Variants in ERBB4 observed in about 807,000 individuals in gnomAD.
ERBB4 encodes receptor tyrosine-protein kinase erbB-4.
A neutral mutation model predicts 158.0 loss-of-function variants in ERBB4; 42 were observed. The ratio of observed to expected loss-of-function variants is 0.27; its 90% CI spans 0.21 to 0.34. The LOEUF is 0.34. Among genes scored for constraint, ERBB4 ranks in the 10% least tolerant of loss-of-function variants. The pLI, the probability that ERBB4 is intolerant of heterozygous loss-of-function variation, is 1.00. For missense variants in ERBB4, 1,333 were observed against 1,624.1 expected, an observed-to-expected ratio of 0.82 and a Z score of 3.08; for synonymous variants, 583 against 558.7, an observed-to-expected ratio of 1.04 and a Z score of -0.61.
chr2:212,057,411 A>T (rs543306412), intron 2 of ERBB4, among the ~76,000 whole-genome samples: 2 of 152,316 alleles, frequency 1.3e-5, no homozygotes, highest in East Asian at 3.9e-4. Flanking sequence ...AATTGAACTC[A>T]GCTCTGCACC....
chr2:211,782,254 C>A lies in ERBB4; in HGVS notation c.556+5771G>T, dbSNP rs529277812. On this transcript the variant is annotated intron_variant, in intron 4 of 27. Transcript: ENST00000342788. ...AGTGAAACAATTCCCCATGTCTGCA[C>A]TCATCCATCTGACCCTCAGCTGGCA... Among the ~76,000 whole-genome samples, 10 of 152,232 alleles carry A rather than the reference C, an allele frequency of 6.6e-5. No homozygotes were observed. In the East Asian group the frequency reaches 1.9e-3, roughly 29 times the overall value.
chr2:211,981,879 C>A (rs1315997520), intron 2 of ERBB4, among the ~76,000 whole-genome samples: 2 of 152,082 alleles, frequency 1.3e-5, no homozygotes, highest in Non-Finnish European at 2.9e-5. Flanking sequence ...CTGTTTGATA[C>A]CTCTCACTGA....
At chr2:211,718,090 T>G (rs1398583237) in intron 7 of ERBB4, among the ~76,000 whole-genome samples, 8 of 152,096 alleles carry the variant, frequency 5.3e-5, no homozygotes, top group Non-Finnish European at 1.5e-5. Flanking sequence ...TTTTGTATTT[T>G]TAGTACAGAT....
chr2:212,276,095 T>C (rs1257824334), intron 1 of ERBB4, among the ~76,000 whole-genome samples: 1 of 151,800 alleles, frequency 6.6e-6, no homozygotes, highest in Non-Finnish European at 1.5e-5. Context: ...GTCCATATAG[T>C]TAATGAAAGC....
chr2:211,546,690 A>G (rs1679137455), intron 20 of ERBB4, among the ~76,000 whole-genome samples: 1 of 152,116 alleles, frequency 6.6e-6, no homozygotes, highest in African/African-American at 2.4e-5. Context: ...TCTAGGCTAC[A>G]TAACTACACA....
intron 2 of ERBB4, among the ~76,000 whole-genome samples, chr2:212,014,086 A>G (rs192183073): frequency 2.9e-3 from 444 of 152,286 alleles, no homozygotes; most frequent in Admixed American, 8.1e-3. Context: ...AATACTGGAG[A>G]AAAACCTCTC....
chr2:211,392,600 ACC>A (rs1491416832), intron 25 of ERBB4, among the ~76,000 whole-genome samples: 1,392 of 133,554 alleles, frequency 0.01, 19 homozygotes, highest in East Asian at 0.042. Context: ...ACACACACAC[ACC>A]CCAATAATGA....
At chr2:211,654,041 A>C (rs1208836989) in intron 16 of ERBB4, among the ~76,000 whole-genome samples, 1 of 152,212 alleles carries the variant, frequency 6.6e-6, no homozygotes, top group Non-Finnish European at 1.5e-5. Context: ...ATCAATTGAC[A>C]GATGCTTTGA....
chr2:211,971,065 G>A (rs2081439157), intron 2 of ERBB4, among the ~76,000 whole-genome samples: 1 of 152,150 alleles, frequency 6.6e-6, no homozygotes. Flanking sequence ...TGCAAGGCAG[G>A]TCTGGTGGTA....
intron 3 of ERBB4, among the ~76,000 whole-genome samples, chr2:211,914,440 G>A (rs2079631314): frequency 6.6e-6 from 1 of 151,848 alleles, no homozygotes; most frequent in African/African-American, 2.4e-5. Flanking sequence ...TATTCACATT[G>A]CTCATTTTAA....
chr2:211,657,951 T>C, intron 15 of ERBB4, 123 bp from the exon 16 acceptor site: 1 of 1,607,822 alleles, frequency 6.2e-7, no homozygotes, highest in South Asian at 1.1e-5. Flanking sequence ...ACCAAGTACC[T>C]ATCCATCAGG....
chr2:212,428,241 C>T (rs2091957065), intron 1 of ERBB4, among the ~76,000 whole-genome samples: 1 of 152,068 alleles, frequency 6.6e-6, no homozygotes, highest in Non-Finnish European at 1.5e-5. Flanking sequence ...CTTATACCAA[C>T]ATTTTTTCTT....
At chr2:211,942,862 A>G (rs1035157238) in intron 3 of ERBB4, among the ~76,000 whole-genome samples, 1 of 152,152 alleles carries the variant, frequency 6.6e-6, no homozygotes, top group Non-Finnish European at 1.5e-5. Context: ...AAATTCAAAT[A>G]TCTAAGGTGA....
At chr2:211,650,370 T>G (rs1002742302) in intron 16 of ERBB4, among the ~76,000 whole-genome samples, 3 of 152,138 alleles carry the variant, frequency 2.0e-5, no homozygotes, top group African/African-American at 7.2e-5. Flanking sequence ...TGAGTAATTT[T>G]CAATTTTAAA....
chr2:211,451,611 C>T (rs1178321061), intron 20 of ERBB4, among the ~76,000 whole-genome samples: 1 of 151,958 alleles, frequency 6.6e-6, no homozygotes. Flanking sequence ...GGGGAGGGAA[C>T]AGCAAGGGGA....
At chr2:212,089,106 A>G (rs951336465) in intron 2 of ERBB4, among the ~76,000 whole-genome samples, 37 of 152,320 alleles carry the variant, frequency 2.4e-4, no homozygotes, top group African/African-American at 7.0e-4. Context: ...AGGAAAGCAA[A>G]TAGAAAAATA....
At chr2:211,531,529 A>G (rs565874454) in intron 20 of ERBB4, among the ~76,000 whole-genome samples, 1 of 152,316 alleles carries the variant, frequency 6.6e-6, no homozygotes, top group African/African-American at 2.4e-5. Flanking sequence ...AAAAGAAGAC[A>G]TGCAAATGGT....
intron 4 of ERBB4, among the ~76,000 whole-genome samples, chr2:211,751,474 G>T (rs950080040): frequency 2.0e-5 from 3 of 152,018 alleles, no homozygotes; most frequent in Non-Finnish European, 4.4e-5. Context: ...ATTTCTGTGG[G>T]TACATGACAC....
intron 24 of ERBB4, among the ~76,000 whole-genome samples, chr2:211,420,842 A>G (rs919537217): frequency 3.3e-5 from 5 of 152,086 alleles, no homozygotes; most frequent in African/African-American, 1.2e-4. Flanking sequence ...GATAAATGCC[A>G]TTAGAGAATA....
Sources: allele counts gnomAD v4.1 joint callset (sites outside exome capture counted in the v4.1 genomes callset), GRCh38; gene constraint gnomAD v4.1.1; transcripts MANE v1.5; gene names NCBI Gene and HGNC (gene_info 2026-07-23, HGNC 2026-07-21).